The following BBS5 variants were observed in gnomAD, a reference collection of about 807,000 sequenced individuals.
The protein encoded by BBS5 is BBSome complex member BBS5.
In BBS5, 39 loss-of-function variants were observed where a neutral mutation model predicts 50.2. The observed-to-expected ratio is 0.78, with a 90% confidence interval of 0.60 to 1.01. BBS5 has a LOEUF of 1.01. Ranked by LOEUF, BBS5 falls within the 50% of genes least tolerant of loss-of-function variation. The pLI is 0.00. For missense variants in BBS5, 356 were observed against 401.5 expected (o/e 0.89, Z 0.97); for synonymous variants, 134 against 133.1 (o/e 1.01, Z -0.05).
intron 1 of BBS5, 118 bp downstream of exon 1, chr2:169,479,730 G>T: frequency 8.7e-7 from 1 of 1,149,776 alleles, no homozygotes; most frequent in South Asian, 1.3e-5. Flanking sequence ...GAGGGTGGGA[G>T]GCTTGCGCCG....
At position 169,505,025 on chromosome 2, in the gene BBS5, T is replaced by C. The variant is rs1191995354; in HGVS notation, c.*443T>C. 1.9e-6 allele frequency: 3 copies of C among 1,585,500 alleles called. No homozygotes were observed. The highest frequency in any genetic ancestry group is 2.2e-5 in the East Asian group (1 of 44,720). On this transcript the variant is annotated 3_prime_UTR_variant, in exon 12 of 12. Transcript: ENST00000295240. The stretch of plus-strand genomic sequence containing the variant: ...AATGGCCGAAGCTGGACTGTACTGC[T>C]GCCATCTCTGGCTCACTGCAACCTC...
At chr2:169,492,755 A>G (rs1683622147) in intron 5 of BBS5, 119 bp from the exon 6 acceptor site, 1 of 901,778 alleles carries the variant, frequency 1.1e-6, no homozygotes, top group Non-Finnish European at 1.7e-6. Flanking sequence ...ATTAAAATGT[A>G]TCATAATTAT....
At chr2:169,498,455 A>G (rs1683734699) in intron 8 of BBS5, among the ~76,000 whole-genome samples, 1 of 152,126 alleles carries the variant, frequency 6.6e-6, no homozygotes, top group Admixed American at 6.5e-5. Flanking sequence ...ACCAAATGTC[A>G]TATATATGTT....
Position 169,492,934 on chromosome 2 carries a change from C to G in BBS5, c.447C>G (p.Asn149Lys). 1.2e-6 allele frequency: 2 copies of G among 1,612,424 alleles called. No individual in the cohort carries two copies. Among genetic ancestry groups the G allele is most frequent in the South Asian group, 1.1e-5 (1 of 91,036 alleles). Reference sequence around the variant, plus strand: ...AATTAAGAAGTGCACTAATTCAGAACAAGCAACTAAGACTGTTGCCACAAG... The same window carrying G: ...AATTAAGAAGTGCACTAATTCAGAAGAAGCAACTAAGACTGTTGCCACAAG... ...DFKLRSALIQNKQLRLLPQEH... is the reference protein window; with the variant it reads ...DFKLRSALIQKKQLRLLPQEH... Residue 149 changes from asparagine (N) to lysine (K), a missense_variant, in exon 6 of 12, where the codon AAC (asparagine) becomes AAG (lysine). Asn to Lys is a moderately conservative substitution (Grantham distance 94). Transcript: ENST00000295240.
In BBS5 at chr2:169,505,790, G is replaced by A. The variant is rs1275224601; in HGVS notation, c.*1208G>A. 5.8e-5 allele frequency: 10 copies of A among 171,872 alleles called. No homozygotes were observed. In the South Asian group the frequency reaches 1.1e-3, roughly 19 times the overall value. The allele number at this position is 171,872 out of a possible 1,614,324, so 10.6% of individuals were successfully genotyped here. On this transcript the variant is annotated 3_prime_UTR_variant, in exon 12 of 12. Coordinates refer to ENST00000295240, the MANE Select transcript of BBS5 (RefSeq NM_152384.3). ...CCACCCTGTCTGGGAAGTGAGGAGC[G>A]TCTCCGCCCGGCAGCCACCCAGTCC...
intron 9 of BBS5, among the ~76,000 whole-genome samples, chr2:169,500,482 C>G (rs949589395): frequency 3.9e-5 from 6 of 152,196 alleles, no homozygotes; most frequent in African/African-American, 1.2e-4. Context: ...ACTGATCACT[C>G]GATTGTAGAC....
At chr2:169,488,944 G>C (rs1248042478) in intron 5 of BBS5, among the ~76,000 whole-genome samples, 7 of 152,100 alleles carry the variant, frequency 4.6e-5, no homozygotes, top group African/African-American at 1.7e-4. Context: ...TTTCCCTGAA[G>C]AGTTTTATTG....
rs757414705 is a variant in BBS5, at chr2:169,504,547, T to A, written c.991T>A (p.Phe331Ile). ...TGCAATAGAGAAATTGAAGGATGGATTCACCCTACAGGGACTTTGGGAAGT... is the reference window on the plus strand; with the variant it reads ...TGCAATAGAGAAATTGAAGGATGGAATCACCCTACAGGGACTTTGGGAAGT... ...GLAIEKLKDG[F>I]TLQGLWEVMS The change falls in exon 12 of 12, where the codon TTC becomes ATC. Residue 331 changes from phenylalanine to isoleucine, a missense_variant. Physicochemically the swap from Phe to Ile is conservative, Grantham distance 21. Transcript: ENST00000295240. 2 of 1,613,976 alleles carry A rather than the reference T, an allele frequency of 1.2e-6. No individual in the cohort carries two copies. Among genetic ancestry groups the A allele is most frequent in the East Asian group, 4.5e-5 (2 of 44,876 alleles).
rs1683545645 is a variant in BBS5 at position 169,489,261 on chromosome 2, GA to G, written c.386+1148del. Among the ~76,000 whole-genome samples, 3 of 152,018 alleles carry G rather than the reference GA, an allele frequency of 2.0e-5. No homozygotes were observed. In the South Asian group the frequency reaches 6.2e-4, roughly 32 times the overall value. On this transcript the variant is annotated intron_variant, in intron 5 of 11. Coordinates refer to ENST00000295240, the MANE Select transcript of BBS5 (RefSeq NM_152384.3). ...GGATCATTTGAGGTCAGGAGTTCAA[GA>G]CCAGCCTGGCCAATGTGGTGAAACC...
Position 169,493,837 on chromosome 2 carries a change from G to T in BBS5, c.618+1G>T. 3 of 1,563,216 alleles carry T rather than the reference G, an allele frequency of 1.9e-6. No homozygotes were observed. Among genetic ancestry groups the T allele is most frequent in the South Asian group, 1.1e-5 (1 of 89,710 alleles). On this transcript the variant is annotated splice_donor_variant, in intron 7 of 11. Transcript: ENST00000295240. LOFTEE classifies it high-confidence loss of function. ...TGTCAGTATACCATATCTGCAAATT[G>T]TAAGTACATACATTTTGATGACCTT...
At chr2:169,495,711 A>C (rs1251732663) in intron 7 of BBS5, among the ~76,000 whole-genome samples, 3 of 152,170 alleles carry the variant, frequency 2.0e-5, no homozygotes, top group Non-Finnish European at 4.4e-5. Context: ...GCTAGAGTAC[A>C]GTGGCATGGT....
At chr2:169,493,239 T>G (rs1683634950) in intron 6 of BBS5, among the ~76,000 whole-genome samples, 1 of 152,136 alleles carries the variant, frequency 6.6e-6, no homozygotes, top group Non-Finnish European at 1.5e-5. Context: ...AATAAAAAAT[T>G]TGCGGTGCTA....
chr2:169,489,462 C>CAA (rs939892818), intron 5 of BBS5, among the ~76,000 whole-genome samples: 3 of 142,422 alleles, frequency 2.1e-5, no homozygotes, highest in Admixed American at 7.0e-5. Context: ...GACTCTGTCT[C>CAA]AAAAAAAAAA....
intron 7 of BBS5, among the ~76,000 whole-genome samples, chr2:169,496,398 T>G (rs554023086): frequency 6.6e-6 from 1 of 152,322 alleles, no homozygotes; most frequent in South Asian, 2.1e-4. Flanking sequence ...TTTTTAAAAC[T>G]TAAATATTTT....
intron 5 of BBS5, among the ~76,000 whole-genome samples, chr2:169,488,751 G>A (rs1225365530): frequency 6.6e-6 from 1 of 152,112 alleles, no homozygotes; most frequent in African/African-American, 2.4e-5. Context: ...CACTTTGAAG[G>A]TATTTATAAA....
intron 10 of BBS5, 38 bp from the exon 11 acceptor site, chr2:169,504,265 T>C (rs760037455): frequency 1.3e-6 from 2 of 1,586,120 alleles, no homozygotes; most frequent in East Asian, 4.5e-5. Flanking sequence ...GAATATTATA[T>C]GTCCAGTTTG....
At position 169,505,080 on chromosome 2, in the gene BBS5, G is replaced by T. The variant is rs555104065; in HGVS notation, c.*498G>T. The stretch of plus-strand genomic sequence containing the variant: ...CCTGATTCTCCTGCCTCAGCCTGCC[G>T]AGTGCCTGCGATTACAGGCGCGCGC... On this transcript the variant is annotated 3_prime_UTR_variant, in exon 12 of 12. Coordinates refer to ENST00000295240, the MANE Select transcript of BBS5 (RefSeq NM_152384.3). 123 of 1,252,908 alleles carry T rather than the reference G, an allele frequency of 9.8e-5. No individual in the cohort carries two copies. The highest frequency in any genetic ancestry group is 8.7e-4 in the East Asian group (37 of 42,286). 77.6% of individuals were successfully genotyped at this position (1,252,908 alleles called of 1,614,324 possible).
At chr2:169,493,371 C>T (rs1403429147) in intron 6 of BBS5, among the ~76,000 whole-genome samples, 1 of 152,128 alleles carries the variant, frequency 6.6e-6, no homozygotes, top group East Asian at 1.9e-4. Flanking sequence ...TACTACAACT[C>T]CTTTGCCTTA....
intron 9 of BBS5, among the ~76,000 whole-genome samples, chr2:169,501,282 C>G (rs1290342816): frequency 6.6e-6 from 1 of 152,214 alleles, no homozygotes; most frequent in African/African-American, 2.4e-5. Flanking sequence ...TTTACACTTT[C>G]AGTCATACCA....
Sources: allele counts gnomAD v4.1 joint callset (sites outside exome capture counted in the v4.1 genomes callset), GRCh38; gene constraint gnomAD v4.1.1; transcripts MANE v1.5; gene names NCBI Gene and HGNC (gene_info 2026-07-23, HGNC 2026-07-21).